Variants in PCNX1 observed in about 807,000 individuals in gnomAD.
PCNX1 encodes pecanex 1.
PCNX1 carries 78 observed loss-of-function variants against 242.2 expected under a neutral mutation model. The observed-to-expected ratio is 0.32, with a 90% CI of 0.27 to 0.39. The LOEUF is 0.39. PCNX1 is among the 10% of genes least tolerant of loss of function. PCNX1 has a pLI of 1.00. For missense variants in PCNX1, 2,581 were observed against 2,856.5 expected (o/e 0.90, Z 2.20); for synonymous variants, 1,024 against 1,032.9 (o/e 0.99, Z 0.17).
chr14:70,981,583 T>A (rs538115424), intron 6 of PCNX1, among the ~76,000 whole-genome samples: 1 of 152,308 alleles, frequency 6.6e-6, no homozygotes, highest in South Asian at 2.1e-4. Context: ...TCAATAATGG[T>A]TTGTGATTAC....
rs1003968644 is a variant in PCNX1 at position 71,111,287 on chromosome 14, T to G, written c.*1352T>G. On this transcript the variant is annotated 3_prime_UTR_variant, in exon 36 of 36. Transcript: ENST00000304743. The stretch of plus-strand genomic sequence containing the variant: ...TTAATTTGCAACTCTTAGCATTTTT[T>G]AAATCCTTGATAAAATTTTCCCTTT... The G allele has an allele frequency of 1.3e-5, 2 of 152,652 alleles. No individual in the cohort carries two copies. Among genetic ancestry groups the G allele is most frequent in the African/African-American group, 4.8e-5 (2 of 41,458 alleles). 9.5% of individuals were successfully genotyped at this position (152,652 alleles called of 1,614,324 possible). A position where few individuals can be genotyped will look rare whatever the true frequency, so the allele number is the denominator to read the frequency against.
At position 71,011,493 on chromosome 14, in the gene PCNX1, G is replaced by A. The variant is rs2059820200; in HGVS notation, c.2722G>A (p.Asp908Asn). 1 of 1,536,478 alleles carries A rather than the reference G, an allele frequency of 6.5e-7. No individual in the cohort carries two copies. The highest frequency in any genetic ancestry group is 9.0e-7 in the Non-Finnish European group (1 of 1,112,496). The change falls in exon 10 of 36, where the codon GAC becomes AAC. Residue 908 changes from aspartate (D) to asparagine (N), a missense_variant and splice_region_variant. Around this residue, in one of 9 missense-constraint regions of PCNX1, gnomAD observed 1,204 missense variants for 1,216.7 expected, o/e 0.99. Coordinates refer to ENST00000304743, the MANE Select transcript of PCNX1 (RefSeq NM_014982.3). The stretch of plus-strand genomic sequence containing the variant: ...TCCCTATTTTTTATTTTATTTTAGT[G>A]ACACAGATTCTCATGTATCCAGTTC... Reference protein sequence around the residue: ...PAARRASNICDTDSHVSSSTS... With the variant: ...PAARRASNICNTDSHVSSSTS...
intron 7 of PCNX1, among the ~76,000 whole-genome samples, chr14:70,989,270 A>G (rs1041481324): frequency 6.6e-6 from 1 of 151,614 alleles, no homozygotes; most frequent in Non-Finnish European, 1.5e-5. Flanking sequence ...GGTCAATTGG[A>G]GAGAGATATA....
At chr14:71,032,590 A>G (rs1252722406) in intron 16 of PCNX1, among the ~76,000 whole-genome samples, 4 of 152,174 alleles carry the variant, frequency 2.6e-5, no homozygotes, top group Non-Finnish European at 5.9e-5. Context: ...AACAATTCCC[A>G]AGTCTACTTT....
Position 70,908,116 on chromosome 14 carries a change from C to A in PCNX1, c.153+113C>A, listed in dbSNP as rs1008259504. 6 of 1,043,754 alleles carry A rather than the reference C, an allele frequency of 5.7e-6. No homozygotes were observed. The African/African-American group carries it at 8.4e-5, about 15-fold the overall frequency. 64.7% of individuals were successfully genotyped at this position (1,043,754 alleles called of 1,614,324 possible). A position where few individuals can be genotyped will look rare whatever the true frequency, so the allele number is the denominator to read the frequency against. ...GTCTCGTCCCCCGGGGGCCGCCACC[C>A]TCTCGGTGTGAGGCTCCCCGCCCCC... On this transcript the variant is annotated intron_variant, in intron 1 of 35. Coordinates refer to ENST00000304743, the MANE Select transcript of PCNX1 (RefSeq NM_014982.3).
rs143764581 is a variant in PCNX1 at position 70,995,916 on chromosome 14, G to C, written c.2620G>C (p.Asp874His). 54 of 1,613,098 alleles carry C rather than the reference G, an allele frequency of 3.3e-5. No individual in the cohort carries two copies. Among genetic ancestry groups the C allele is most frequent in the Non-Finnish European group, 3.9e-5 (46 of 1,179,162 alleles). ...ASAVGGSSLH[D>H]ELGKFSSTLY... ...TGCTGTAGGCGGTAGCAGTTTGCAC[G>C]ATGAACTTGGTATGCAGGCCTTATG... Residue 874 changes from aspartate (D) to histidine (H), a missense_variant, in exon 8 of 36, where the codon GAT becomes CAT. Coordinates refer to ENST00000304743, the MANE Select transcript of PCNX1 (RefSeq NM_014982.3).
In PCNX1 at chr14:70,966,728, AT is replaced by A. The variant is rs202082976; in HGVS notation, c.469-1460del. On this transcript the variant is annotated intron_variant, in intron 3 of 35. Coordinates refer to ENST00000304743, the MANE Select transcript of PCNX1 (RefSeq NM_014982.3). ...ATGACTACCATATCCGTGTTTAAAA[AT>A]TTTTTTTTTAAGTTTAAATTCCTAG... 1.8e-4 allele frequency among the ~76,000 whole-genome samples: 27 copies of A among 151,140 alleles called. No individual in the cohort carries two copies. In the East Asian group the frequency reaches 3.5e-3, roughly 19 times the overall value.
At chr14:71,075,612 T>G (rs769115207) in intron 27 of PCNX1, among the ~76,000 whole-genome samples, 3 of 152,100 alleles carry the variant, frequency 2.0e-5, no homozygotes, top group Non-Finnish European at 2.9e-5. Flanking sequence ...ATCCATAGAT[T>G]AGGGCCAGGC....
At chr14:70,959,544 A>G (rs956440340) in intron 2 of PCNX1, among the ~76,000 whole-genome samples, 2 of 151,630 alleles carry the variant, frequency 1.3e-5, no homozygotes, top group Admixed American at 6.6e-5. Context: ...TCGTGTCCCT[A>G]CAAAGGACAG....
intron 1 of PCNX1, among the ~76,000 whole-genome samples, chr14:70,921,808 T>G (rs1361361652): frequency 2.0e-5 from 3 of 152,196 alleles, no homozygotes; most frequent in African/African-American, 7.2e-5. Context: ...TATCTGTACA[T>G]ACTCTGTCTC....
At chr14:70,963,399 A>T (rs2058281110) in intron 3 of PCNX1, among the ~76,000 whole-genome samples, 1 of 152,188 alleles carries the variant, frequency 6.6e-6, no homozygotes, top group Non-Finnish European at 1.5e-5. Flanking sequence ...ATTGCTAATT[A>T]TCCTTATGTG....
chr14:70,948,101 C>G (rs924947866), intron 2 of PCNX1, among the ~76,000 whole-genome samples: 2 of 152,290 alleles, frequency 1.3e-5, no homozygotes, highest in South Asian at 4.1e-4. Flanking sequence ...CTGTGCATAG[C>G]GGGACAGTGA....
intron 1 of PCNX1, among the ~76,000 whole-genome samples, chr14:70,940,711 C>G (rs1457460706): frequency 6.6e-6 from 1 of 152,172 alleles, no homozygotes; most frequent in Non-Finnish European, 1.5e-5. Flanking sequence ...GGATAATATC[C>G]TGAAGAGTGT....
intron 33 of PCNX1, among the ~76,000 whole-genome samples, chr14:71,106,456 A>G (rs766231614): frequency 6.6e-6 from 1 of 152,140 alleles, no homozygotes; most frequent in Non-Finnish European, 1.5e-5. Context: ...TATTATTTTC[A>G]TAGGTTAGAG....
At chr14:70,976,915 A>G in intron 5 of PCNX1, 27 bp from the exon 6 acceptor site, 22 of 1,588,288 alleles carry the variant, frequency 1.4e-5, no homozygotes, top group Non-Finnish European at 1.7e-5. Context: ...ATTTATTTTA[A>G]CATTTCAAAA....
chr14:70,977,668 C>T lies in PCNX1; in HGVS notation c.1331C>T (p.Ala444Val). 19 of 1,613,966 alleles carry T rather than the reference C, an allele frequency of 1.2e-5. No individual in the cohort carries two copies. Among genetic ancestry groups the T allele is most frequent in the South Asian group, 2.2e-5 (2 of 91,072 alleles). The change falls in exon 6 of 36, where the codon GCC becomes GTC. Residue 444 changes from alanine to valine, a missense_variant. Ala to Val is a moderately conservative substitution (Grantham distance 64). Around this residue, in one of 9 missense-constraint regions of PCNX1, gnomAD observed 1,204 missense variants for 1,216.7 expected, o/e 0.99. Transcript: ENST00000304743. ...CAGPEEKNSC[A>V]SDKRTSSEKI... ...GGCCCAGAGGAGAAGAATAGCTGTG[C>T]CAGTGACAAAAGGACTAGCAGTGAA... is the stretch of plus-strand genomic sequence containing the variant.
chr14:70,915,026 G>A (rs952833807), intron 1 of PCNX1, among the ~76,000 whole-genome samples: 12 of 152,078 alleles, frequency 7.9e-5, no homozygotes, highest in African/African-American at 2.9e-4. Flanking sequence ...GAATCATGTA[G>A]CACATGCTTT....
intron 8 of PCNX1, among the ~76,000 whole-genome samples, chr14:71,008,655 C>CAA (rs777494885): frequency 0.028 from 915 of 32,502 alleles, 100 homozygotes; most frequent in Non-Finnish European, 0.034. Context: ...GACTCTGTCT[C>CAA]AAAAAAAAAA....
In PCNX1 at chr14:70,950,562, C is replaced by A. The variant is rs372140371; in HGVS notation, c.362+3439C>A. Among the ~76,000 whole-genome samples, 9 of 152,108 alleles carry A rather than the reference C, an allele frequency of 5.9e-5. No individual in the cohort carries two copies. In the East Asian group the frequency reaches 7.7e-4, roughly 13 times the overall value. On this transcript the variant is annotated intron_variant, in intron 2 of 35. Transcript: ENST00000304743. ...TTTTCCAATATGTATTGCCAAATTC[C>A]CAAGATTTTACCATTTAATGACTAT...
Sources: gnomAD v4.1 joint callset for allele counts (sites outside exome capture counted in the v4.1 genomes callset) on GRCh38, gnomAD v4.1.1 for gene constraint, gnomAD v4.1.1 regional missense constraint, MANE v1.5 for transcripts, NCBI Gene and HGNC (gene_info 2026-07-23, HGNC 2026-07-21) for gene names.